The following CFAP47 variants were observed in gnomAD, a reference collection of about 807,000 sequenced individuals.
CFAP47 encodes cilia- and flagella-associated protein 47.
A neutral mutation model predicts 148.1 loss-of-function variants in CFAP47; 29 were observed. That is an observed-to-expected ratio of 0.20 (90% CI 0.15 to 0.27). CFAP47 has a LOEUF of 0.27. Ranked by LOEUF, CFAP47 falls within the 10% of genes least tolerant of loss-of-function variation. The probability of loss-of-function intolerance (pLI) is 1.00; values close to 1 mark genes in which losing one functional copy is unlikely to be tolerated. For synonymous variants in CFAP47, 664 were observed against 577.3 expected (o/e 1.15, Z -2.15); for missense variants, 1,872 against 1,697.5 (o/e 1.10, Z -1.81).
intron 25 of CFAP47, among the ~76,000 whole-genome samples, chrX:36,040,156 C>G (rs1010048509): frequency 3.6e-5 from 4 of 111,468 alleles, no homozygotes; most frequent in Admixed American, 9.5e-5. Context: ...AACAGCATAA[C>G]CAAAATAAAG....
rs374076537 is a variant in CFAP47, at chrX:35,971,856, T to C, written c.2158-13T>C. 70 of 1,186,316 alleles carry C rather than the reference T, an allele frequency of 5.9e-5. No individual in the cohort carries two copies. In the East Asian group the frequency reaches 1.8e-3, roughly 31 times the overall value. On this transcript the variant is annotated splice_polypyrimidine_tract_variant and intron_variant, in intron 12 of 63. Coordinates refer to ENST00000378653, the MANE Select transcript of CFAP47 (RefSeq NM_001304548.2). ...AATAATGAATAATTCTGGAAAAATA[T>C]GATTTTTTACAGGTTCTCAAAGGAC...
At chrX:36,070,639 G>A (rs1164737186) in intron 27 of CFAP47, among the ~76,000 whole-genome samples, 3 of 109,387 alleles carry the variant, frequency 2.7e-5, no homozygotes, top group East Asian at 2.9e-4. Flanking sequence ...CTATAGGCAC[G>A]CGCCACCACA....
chrX:36,382,027 T>C (rs1236171046), intron 63 of CFAP47, among the ~76,000 whole-genome samples: 1 of 111,600 alleles, frequency 9.0e-6, no homozygotes. Context: ...GAAATGGCAT[T>C]GTAAATATCT....
At chrX:36,295,609 A>G (rs1251681498) in intron 51 of CFAP47, among the ~76,000 whole-genome samples, 4 of 112,332 alleles carry the variant, frequency 3.6e-5, no homozygotes, top group African/African-American at 9.7e-5. Flanking sequence ...GATGGATAAC[A>G]TAAGTTTCTT....
intron 49 of CFAP47, among the ~76,000 whole-genome samples, chrX:36,252,314 T>G (rs1555998341): frequency 9.2e-6 from 1 of 109,184 alleles, no homozygotes; most frequent in African/African-American, 3.3e-5. Flanking sequence ...GATAGTGAGC[T>G]GCTGCAAAGA....
chrX:36,310,812 C>G lies in CFAP47; in HGVS notation c.8188-21C>G, dbSNP rs186506863. On this transcript the variant is annotated intron_variant, in intron 55 of 63. Transcript: ENST00000378653. Reference sequence around the variant, plus strand: ...ATATGCAGTTAGGACACATAAGTTACGAATACTTATCTTCAAACAGTTTAC... The same window carrying G: ...ATATGCAGTTAGGACACATAAGTTAGGAATACTTATCTTCAAACAGTTTAC... 6 of 1,097,502 alleles carry G rather than the reference C, an allele frequency of 5.5e-6. No individual in the cohort carries two copies. The African/African-American group carries it at 5.6e-5, about 10-fold the overall frequency. 90.4% of individuals were successfully genotyped at this position (1,097,502 alleles called of 1,213,427 possible).
intron 38 of CFAP47, 77 bp downstream of exon 38, chrX:36,159,653 A>G (rs866550596): frequency 2.8e-5 from 8 of 289,567 alleles, no homozygotes; most frequent in African/African-American, 2.2e-4. Flanking sequence ...ATTGTTATAC[A>G]TTTTATCTCT....
intron 8 of CFAP47, among the ~76,000 whole-genome samples, chrX:35,958,425 CTA>C (rs1395946685): frequency 1.8e-5 from 2 of 111,220 alleles, no homozygotes; most frequent in Non-Finnish European, 3.8e-5. Flanking sequence ...TATGAAAACT[CTA>C]TGTTTAACTT....
intron 2 of CFAP47, among the ~76,000 whole-genome samples, chrX:35,938,746 G>A (rs1935954950): frequency 9.0e-6 from 1 of 111,481 alleles, no homozygotes; most frequent in Non-Finnish European, 1.9e-5. Context: ...TTTCAACTCC[G>A]TAAAGTTATA....
intron 6 of CFAP47, among the ~76,000 whole-genome samples, chrX:35,952,254 T>C (rs1936178115): frequency 8.9e-6 from 1 of 111,815 alleles, no homozygotes; most frequent in South Asian, 3.7e-4. Flanking sequence ...CCAAATTGTT[T>C]GTGCAGTCAA....
chrX:36,170,034 G>A (rs762883649), intron 39 of CFAP47, among the ~76,000 whole-genome samples: 1 of 111,719 alleles, frequency 9.0e-6, no homozygotes, highest in Non-Finnish European at 1.9e-5. Context: ...AAGCTACAGA[G>A]TTTTACAACT....
chrX:36,351,654 T>C (rs1392609752), intron 59 of CFAP47, among the ~76,000 whole-genome samples: 2 of 112,124 alleles, frequency 1.8e-5, no homozygotes, highest in African/African-American at 3.2e-5. Context: ...TGAGTCATTT[T>C]TCTTGGTAAT....
chrX:36,050,338 G>A (rs1000131156), intron 26 of CFAP47, among the ~76,000 whole-genome samples: 3 of 111,641 alleles, frequency 2.7e-5, no homozygotes, highest in African/African-American at 9.8e-5. Context: ...GAAGTTGTAG[G>A]AAAGTTTGGA....
intron 11 of CFAP47, among the ~76,000 whole-genome samples, chrX:35,971,346 A>G (rs1170179417): frequency 3.6e-5 from 4 of 112,081 alleles, no homozygotes; most frequent in African/African-American, 1.3e-4. Context: ...TTTGTGTTCC[A>G]TATCAGTCAT....
intron 54 of CFAP47, among the ~76,000 whole-genome samples, chrX:36,305,798 A>G (rs1556008689): frequency 8.9e-6 from 1 of 111,907 alleles, no homozygotes; most frequent in African/African-American, 3.2e-5. Flanking sequence ...AAATTAATTA[A>G]TAATCCTAAA....
At chrX:36,039,778 C>T (rs1453360582) in intron 25 of CFAP47, among the ~76,000 whole-genome samples, 2 of 112,022 alleles carry the variant, frequency 1.8e-5, no homozygotes, top group Non-Finnish European at 3.8e-5. Flanking sequence ...ATCCTCACAA[C>T]ATGGTGTACA....
At chrX:36,353,904 A>T (rs1156301670) in intron 60 of CFAP47, among the ~76,000 whole-genome samples, 1 of 111,826 alleles carries the variant, frequency 8.9e-6, no homozygotes, top group Non-Finnish European at 1.9e-5. Flanking sequence ...TATAAGATGT[A>T]GATTGTGATT....
At chrX:36,003,967 CTTT>C (rs761024902) in intron 21 of CFAP47, among the ~76,000 whole-genome samples, 1 of 66,388 alleles carries the variant, frequency 1.5e-5, no homozygotes, top group African/African-American at 6.7e-5. Flanking sequence ...CTTTCTTTTT[CTTT>C]TTTTTTTTTT....
intron 45 of CFAP47, among the ~76,000 whole-genome samples, chrX:36,209,261 A>G (rs2146887801): frequency 8.9e-6 from 1 of 111,765 alleles, no homozygotes; most frequent in Admixed American, 9.5e-5. Context: ...TTGTGTTATT[A>G]TATTCGTCAC....
Sources: gnomAD v4.1 joint callset for allele counts (sites outside exome capture counted in the v4.1 genomes callset) on GRCh38, gnomAD v4.1.1 for gene constraint, MANE v1.5 for transcripts, NCBI Gene and HGNC (gene_info 2026-07-23, HGNC 2026-07-21) for gene names.